The following ZFHX3 variants were observed in gnomAD, a reference collection of about 807,000 sequenced individuals.
The protein encoded by ZFHX3 is zinc finger homeobox 3.
In ZFHX3, 42 loss-of-function variants were observed where a neutral mutation model predicts 279.1. The observed-to-expected ratio is 0.15, with a 90% CI of 0.12 to 0.19. ZFHX3 has a LOEUF of 0.19. Among genes scored for constraint, ZFHX3 ranks in the 10% least tolerant of loss-of-function variants. ZFHX3 has a pLI of 1.00. For missense variants in ZFHX3, 4,981 were observed against 4,754.0 expected (o/e 1.05, Z -1.40); for synonymous variants, 2,293 against 1,957.8 (o/e 1.17, Z -4.52).
chr16:73,151,549 T>C (rs1966942466), intron 5 of ZFHX3, among the ~76,000 whole-genome samples: 1 of 141,316 alleles, frequency 7.1e-6, no homozygotes, highest in Non-Finnish European at 1.5e-5. Flanking sequence ...AATGTCGTGA[T>C]TGATTGGTGA....
intron 5 of ZFHX3, among the ~76,000 whole-genome samples, chr16:73,199,933 T>C (rs7198049): frequency 0.083 from 12,713 of 152,262 alleles, 1,681 homozygotes; most frequent in African/African-American, 0.28. Context: ...TGAAGTAACC[T>C]GAAAGCTGGT....
chr16:72,920,210 T>C (rs919332241), intron 3 of ZFHX3, among the ~76,000 whole-genome samples: 2 of 152,040 alleles, frequency 1.3e-5, no homozygotes, highest in African/African-American at 2.4e-5. Context: ...ATAAACAATG[T>C]TGTGAAGAAG....
At chr16:73,837,096 C>A (rs1961162764) in intron 1 of ZFHX3, among the ~76,000 whole-genome samples, 1 of 152,124 alleles carries the variant, frequency 6.6e-6, no homozygotes, top group African/African-American at 2.4e-5. Context: ...TCTGCTACAG[C>A]AACACACAAT....
At chr16:72,863,502 A>G (rs2037937244) in intron 4 of ZFHX3, among the ~76,000 whole-genome samples, 1 of 151,100 alleles carries the variant, frequency 6.6e-6, no homozygotes, top group African/African-American at 2.5e-5. Context: ...TGGGTGACAG[A>G]GACAGAGAGA....
rs995622911 is a variant in ZFHX3, at chr16:73,000,511, G to A, written c.-49-40317C>T. 3.9e-5 allele frequency among the ~76,000 whole-genome samples: 6 copies of A among 152,310 alleles called. No individual in the cohort carries two copies. The South Asian group carries it at 1.2e-3, about 32-fold the overall frequency. ...TATCCTTTAACTGAAGGATGTGCCA[G>A]GCAGGCCTCCTCCTTGACTTCGTAA... On this transcript the variant is annotated intron_variant, in intron 1 of 9. Transcript: ENST00000268489.
chr16:73,026,673 CAAAAAAAAAA>C (rs10561679), intron 1 of ZFHX3, among the ~76,000 whole-genome samples: 2 of 79,624 alleles, frequency 2.5e-5, no homozygotes, highest in Admixed American at 1.4e-4. Flanking sequence ...AAAACTGCCT[CAAAAAAAAAA>C]AAAAAAAAAA....
chr16:73,134,575 TC>T (rs1326342697), intron 6 of ZFHX3: 3 of 151,896 alleles, frequency 2.0e-5, no homozygotes, highest in Admixed American at 6.6e-5. Flanking sequence ...GCTCAAGTGA[TC>T]CTCCTGCCTC....
chr16:73,787,498 C>T (rs956634149), intron 1 of ZFHX3, among the ~76,000 whole-genome samples: 9 of 152,134 alleles, frequency 5.9e-5, no homozygotes, highest in African/African-American at 2.2e-4. Flanking sequence ...TTCTGTGGCT[C>T]CTGGTTGCAT....
intron 1 of ZFHX3, among the ~76,000 whole-genome samples, chr16:73,712,062 T>C (rs1005475531): frequency 6.6e-6 from 1 of 152,238 alleles, no homozygotes; most frequent in Non-Finnish European, 1.5e-5. Flanking sequence ...GCTCTCTTTA[T>C]ACCTGTGGCT....
chr16:73,356,757 C>G (rs1036052548), intron 3 of ZFHX3, among the ~76,000 whole-genome samples: 2 of 151,740 alleles, frequency 1.3e-5, no homozygotes, highest in East Asian at 3.9e-4. Context: ...AGATTTTGTT[C>G]GGTTTCACTC....
chr16:73,493,085 C>T (rs2019081144), intron 2 of ZFHX3, among the ~76,000 whole-genome samples: 1 of 151,838 alleles, frequency 6.6e-6, no homozygotes, highest in South Asian at 2.1e-4. Flanking sequence ...ACAATCCTTT[C>T]TGAAGTCTGC....
At position 73,298,430 on chromosome 16, in the gene ZFHX3, T is replaced by C. The variant is rs2014974461; in HGVS notation, c.-1194+19810A>G. On this transcript the variant is annotated intron_variant, in intron 4 of 17. Coordinates refer to the ZFHX3 transcript ENST00000641206. The stretch of plus-strand genomic sequence containing the variant: ...AACTCCCGACCTCAGGTGCTCCGCC[T>C]ACCTCAGCCTCCCAAAGTACTGGGA... Among the ~76,000 whole-genome samples, 5 of 151,928 alleles carry C rather than the reference T, an allele frequency of 3.3e-5. No individual in the cohort carries two copies. In the South Asian group the frequency reaches 1.0e-3, roughly 32 times the overall value.
rs114661894 is a variant in ZFHX3, at chr16:73,046,605, A to C, written c.-50+1147T>G. ...CGAGGGGCCAACTCTACAAACTCGCACCTGCTGCTTGACGGCAAGGAAACA... is the reference window on the plus strand; with the variant it reads ...CGAGGGGCCAACTCTACAAACTCGCCCCTGCTGCTTGACGGCAAGGAAACA... On this transcript the variant is annotated intron_variant, in intron 1 of 9. Coordinates refer to ENST00000268489, the MANE Select transcript of ZFHX3 (RefSeq NM_006885.4). Among the ~76,000 whole-genome samples the C allele has an allele frequency of 7.6e-3, 1,160 of 152,108 alleles. 16 individuals carry two copies. Among genetic ancestry groups the C allele is most frequent in the African/African-American group, 0.027 (1,100 of 41,476 alleles).
chr16:73,310,072 C>CAAA (rs2015290076), intron 4 of ZFHX3, among the ~76,000 whole-genome samples: 2 of 152,016 alleles, frequency 1.3e-5, no homozygotes, highest in Non-Finnish European at 2.9e-5. Context: ...CCACGCCTGG[C>CAAA]TCATTTTTGT....
intron 2 of ZFHX3, among the ~76,000 whole-genome samples, chr16:73,618,513 T>A (rs991828827): frequency 1.3e-5 from 2 of 152,188 alleles, no homozygotes; most frequent in African/African-American, 4.8e-5. Context: ...CCACAGCTCA[T>A]AATGACAAGG....
intron 2 of ZFHX3, among the ~76,000 whole-genome samples, chr16:73,672,110 C>T (rs2052909785): frequency 1.3e-5 from 2 of 151,998 alleles, no homozygotes; most frequent in Non-Finnish European, 1.5e-5. Context: ...AGTTTAAGGA[C>T]AGAGTAGTGT....
At chr16:73,376,509 A>C (rs1259995777) in intron 3 of ZFHX3, among the ~76,000 whole-genome samples, 1 of 152,194 alleles carries the variant, frequency 6.6e-6, no homozygotes, top group East Asian at 1.9e-4. Context: ...ATCCCCTGAA[A>C]TCATTTATTA....
At chr16:72,888,862 T>C (rs750493479) in intron 4 of ZFHX3, among the ~76,000 whole-genome samples, 18 of 152,132 alleles carry the variant, frequency 1.2e-4, no homozygotes, top group Non-Finnish European at 2.6e-4. Context: ...CTCTCAAGAA[T>C]CTGGAAGATT....
intron 1 of ZFHX3, among the ~76,000 whole-genome samples, chr16:73,682,983 AAAGAAAGAAAAG>A (rs1567550793): frequency 0.032 from 672 of 21,034 alleles, 59 homozygotes; most frequent in African/African-American, 0.034. Context: ...AGAAAGAAAG[AAAGAAAGAAAAG>A]AAAGAAAGAA....
Sources: gnomAD v4.1 joint callset for allele counts (sites outside exome capture counted in the v4.1 genomes callset) on GRCh38, gnomAD v4.1.1 for gene constraint, MANE v1.5 for transcripts, NCBI Gene and HGNC (gene_info 2026-07-23, HGNC 2026-07-21) for gene names.